RBM44: variants seen among roughly 807,000 people sequenced by gnomAD.
RBM44 encodes the protein RNA binding motif protein 44, also known as RNA-binding protein 44.
In RBM44, 66 loss-of-function variants were observed where a neutral mutation model predicts 105.1. The observed-to-expected ratio is 0.63, with a 90% CI of 0.52 to 0.77. The LOEUF (loss-of-function observed/expected upper bound fraction) is 0.77, where lower values mean the gene tolerates loss of function less well. RBM44 is among the 30% of genes least tolerant of loss of function. RBM44 has a pLI of 0.00. For synonymous variants in RBM44, 365 were observed against 417.6 expected, an observed-to-expected ratio of 0.87 and a Z score of 1.54; for missense variants, 1,122 against 1,207.8, an observed-to-expected ratio of 0.93 and a Z score of 1.05.
chr2:237,809,086 G>T (rs2061628655), intron 1 of RBM44, among the ~76,000 whole-genome samples: 1 of 152,120 alleles, frequency 6.6e-6, no homozygotes, highest in South Asian at 2.1e-4. Flanking sequence ...ATAACACAAT[G>T]TATGATCAGC....
chr2:237,816,848 C>T (rs866992477), intron 2 of RBM44, 145 bp from the exon 3 acceptor site: 9 of 549,068 alleles, frequency 1.6e-5, no homozygotes, highest in Middle Eastern at 5.0e-4. Context: ...CAGTTTTTAG[C>T]TGCTACTGAA....
chr2:237,829,634 C>T (rs954425194), intron 13 of RBM44, 132 bp downstream of exon 13: 4 of 812,970 alleles, frequency 4.9e-6, no homozygotes, highest in Non-Finnish European at 7.6e-6. Context: ...TGTTTTCAAC[C>T]TTGAATCCAC....
intron 2 of RBM44, among the ~76,000 whole-genome samples, chr2:237,815,005 C>T (rs2061700345): frequency 6.6e-6 from 1 of 151,720 alleles, no homozygotes; most frequent in South Asian, 2.1e-4. Flanking sequence ...GACTGATGCA[C>T]TTAACTAAAT....
At chr2:237,829,623 T>C in intron 13 of RBM44, 121 bp downstream of exon 13, 1 of 913,206 alleles carries the variant, frequency 1.1e-6, no homozygotes, top group Admixed American at 2.6e-5. Context: ...TTAATCTGAA[T>C]TGTTTTCAAC....
At position 237,818,763 on chromosome 2, in the gene RBM44, G is replaced by A. The variant is rs543119115; in HGVS notation, c.1678-138G>A. 264 of 640,902 alleles carry A rather than the reference G, an allele frequency of 4.1e-4. 2 individuals carry two copies. Among genetic ancestry groups the A allele is most frequent in the East Asian group, 1.8e-3 (61 of 34,566 alleles). The allele number at this position is 640,902 out of a possible 1,614,324, so 39.7% of individuals were successfully genotyped here. ...AAAAAGTAAATTAAAAAAAAAAGAC[G>A]TGTAAATTACCACCAGTTCTATCCT... is the stretch of plus-strand genomic sequence containing the variant. On this transcript the variant is annotated intron_variant, in intron 3 of 15. Coordinates refer to ENST00000316997, the MANE Select transcript of RBM44 (RefSeq NM_001080504.3). This position sits in a 1 kb window ranked among gnomAD's most constrained non-coding sequence, Gnocchi z 4.6.
chr2:237,834,097 C>A lies in RBM44; in HGVS notation c.2987C>A (p.Thr996Asn). 6.3e-7 allele frequency: 1 copy of A among 1,582,518 alleles called. No individual in the cohort carries two copies. The highest frequency in any genetic ancestry group is 8.6e-7 in the Non-Finnish European group (1 of 1,162,264). ...AATACATTGAACCTTCGTAGCTTTA[C>A]CAAGATCATAAAGAGACTGGCTGAA... ...PPNTLNLRSF[T>N]KIIKRLAELH... Residue 996 changes from threonine to asparagine, a missense_variant, in exon 14 of 16, where the codon ACC becomes AAC. Coordinates refer to ENST00000316997, the MANE Select transcript of RBM44 (RefSeq NM_001080504.3).
chr2:237,808,617 C>CT (rs1334518758), intron 1 of RBM44, among the ~76,000 whole-genome samples: 1 of 151,982 alleles, frequency 6.6e-6, no homozygotes, highest in Non-Finnish European at 1.5e-5. Context: ...ACTATCCAGA[C>CT]TGAAGCATGG....
chr2:237,824,367 G>T lies in RBM44; in HGVS notation c.2397G>T (p.Gly799=), dbSNP rs1012193558. 1.9e-6 allele frequency: 3 copies of T among 1,612,926 alleles called. No homozygotes were observed. Among genetic ancestry groups the T allele is most frequent in the Admixed American group, 1.7e-5 (1 of 59,934 alleles). ...KESLTGVDVS[G]TQGNQVEQDT... Reference sequence around the variant, plus strand: ...GCCTGACAGGAGTTGACGTCTCAGGGACACAGGGAAATCAAGTAGAACAAG... The same window carrying T: ...GCCTGACAGGAGTTGACGTCTCAGGTACACAGGGAAATCAAGTAGAACAAG... The change falls in exon 10 of 16, where the codon GGG becomes GGT. Residue 799 remains glycine (G), a synonymous_variant. Coordinates refer to ENST00000316997, the MANE Select transcript of RBM44 (RefSeq NM_001080504.3).
intron 15 of RBM44, among the ~76,000 whole-genome samples, chr2:237,838,924 G>A (rs2150992740): frequency 6.6e-6 from 1 of 152,318 alleles, no homozygotes; most frequent in African/African-American, 2.4e-5. Flanking sequence ...TTTTACTGGG[G>A]GATGGTCATG....
Position 237,818,977 on chromosome 2 carries a change from G to A in RBM44, c.1736+18G>A. 1 of 1,303,516 alleles carries A rather than the reference G, an allele frequency of 7.7e-7. No homozygotes were observed. The highest frequency in any genetic ancestry group is 1.4e-5 in the South Asian group (1 of 71,408). The allele number at this position is 1,303,516 out of a possible 1,614,324, so 80.7% of individuals were successfully genotyped here. ...CCTGAGAGGTACATCATTTATATATGCTTACAGATACATCTGGAAGAAAAA... is the reference window on the plus strand; with the variant it reads ...CCTGAGAGGTACATCATTTATATATACTTACAGATACATCTGGAAGAAAAA... On this transcript the variant is annotated intron_variant, in intron 4 of 15. Transcript: ENST00000316997. This position sits in a 1 kb window ranked among gnomAD's most constrained non-coding sequence, Gnocchi z 4.6.
At chr2:237,810,218 C>G (rs2061642982) in intron 1 of RBM44, among the ~76,000 whole-genome samples, 1 of 152,200 alleles carries the variant, frequency 6.6e-6, no homozygotes, top group Non-Finnish European at 1.5e-5. Context: ...GTTTAATAGC[C>G]ATGTGTGGCT....
chr2:237,835,078 C>T (rs1429869407), intron 15 of RBM44, among the ~76,000 whole-genome samples: 1 of 152,178 alleles, frequency 6.6e-6, no homozygotes, highest in Non-Finnish European at 1.5e-5. Context: ...TACAACATTT[C>T]AAACTTTTTT....
At chr2:237,799,325 G>A (rs2061521284) in intron 1 of RBM44, 2 of 152,392 alleles carry the variant, frequency 1.3e-5, no homozygotes, top group Admixed American at 6.5e-5. Flanking sequence ...CTGGAGGACG[G>A]CGCCAGCTCC....
chr2:237,826,472 C>T (rs1000635), intron 10 of RBM44, among the ~76,000 whole-genome samples: 1 of 152,076 alleles, frequency 6.6e-6, no homozygotes, highest in African/African-American at 2.4e-5. Flanking sequence ...TTGTCTCTCC[C>T]CTTTTTTGTG....
chr2:237,837,067 C>A (rs1254267967), intron 15 of RBM44, among the ~76,000 whole-genome samples: 1 of 151,898 alleles, frequency 6.6e-6, no homozygotes, highest in Non-Finnish European at 1.5e-5. Flanking sequence ...TGGGTCTTAC[C>A]ATGTTACCCA....
At position 237,820,559 on chromosome 2, in the gene RBM44, CAT is replaced by C. The variant is rs1464514128; in HGVS notation, c.1913+210_1913+211del. The C allele has an allele frequency of 7.8e-6, 3 of 383,812 alleles. No homozygotes were observed. In the Admixed American group the frequency reaches 1.3e-4, roughly 17 times the overall value. The allele number at this position is 383,812 out of a possible 1,614,324, so 23.8% of individuals were successfully genotyped here. A position where few individuals can be genotyped will look rare whatever the true frequency, so the allele number is the denominator to read the frequency against. ...GTTGGCATGATGAATCCAGTGAAAA[CAT>C]AGATTTGTTTTTTCTTTATAAAGTT... is the stretch of plus-strand genomic sequence containing the variant. On this transcript the variant is annotated intron_variant, in intron 5 of 15. Transcript: ENST00000316997.
chr2:237,817,363 G>A lies in RBM44; in HGVS notation c.444G>A (p.Leu148=). 1 of 1,599,794 alleles carries A rather than the reference G, an allele frequency of 6.3e-7. No homozygotes were observed. The highest frequency in any genetic ancestry group is 8.5e-7 in the Non-Finnish European group (1 of 1,174,252). ...QKKEEVFFNI[L]EHQDKTVGLE... ...AAGAGGAGGTTTTTTTTAATATTTTGGAACATCAAGATAAGACTGTTGGCT... is the reference window on the plus strand; with the variant it reads ...AAGAGGAGGTTTTTTTTAATATTTTAGAACATCAAGATAAGACTGTTGGCT... Residue 148 remains leucine, a synonymous_variant, in exon 3 of 16, where the codon TTG becomes TTA. Coordinates refer to ENST00000316997, the MANE Select transcript of RBM44 (RefSeq NM_001080504.3).
rs1302588397 is a variant in RBM44, at chr2:237,841,340, TCTTA to T, written c.*23-494_*23-491del. Among the ~76,000 whole-genome samples, 1 of 152,200 alleles carries T rather than the reference TCTTA, an allele frequency of 6.6e-6. No individual in the cohort carries two copies. Among genetic ancestry groups the T allele is most frequent in the East Asian group, 1.9e-4 (1 of 5,196 alleles). ...GAACAGAAAACCAAATACCACGTGA[TCTTA>T]CTTATAAATGGCAGCTAAACTTTGA... On this transcript the variant is annotated intron_variant, in intron 15 of 15. Coordinates refer to ENST00000316997, the MANE Select transcript of RBM44 (RefSeq NM_001080504.3). This position sits in a 1 kb window ranked among gnomAD's most constrained non-coding sequence, Gnocchi z 4.5.
intron 1 of RBM44, among the ~76,000 whole-genome samples, chr2:237,808,276 C>T (rs1011276835): frequency 6.6e-6 from 1 of 151,894 alleles, no homozygotes; most frequent in Non-Finnish European, 1.5e-5. Context: ...TGGCAAAATC[C>T]CATCTCTACA....
Sources: allele counts gnomAD v4.1 joint callset (sites outside exome capture counted in the v4.1 genomes callset), GRCh38; gene constraint gnomAD v4.1.1; non-coding constraint Gnocchi (gnomAD v3.1); transcripts MANE v1.5; gene names NCBI Gene and HGNC (gene_info 2026-07-23, HGNC 2026-07-21).